CBLB: variants seen among roughly 807,000 people sequenced by gnomAD.
CBLB encodes the protein E3 ubiquitin-protein ligase CBL-B.
In CBLB, 31 loss-of-function variants were observed where a neutral mutation model predicts 104.9. That is an observed-to-expected ratio of 0.30 (90% CI 0.22 to 0.40). The LOEUF (loss-of-function observed/expected upper bound fraction) is 0.40, where lower values mean the gene tolerates loss of function less well. CBLB is among the 10% of genes least tolerant of loss of function. The pLI is 1.00. For missense variants in CBLB, 1,062 were observed against 1,214.6 expected (o/e 0.87, Z 1.87); for synonymous variants, 440 against 422.6 (o/e 1.04, Z -0.51).
intron 3 of CBLB, among the ~76,000 whole-genome samples, chr3:105,824,542 A>G (rs186220805): frequency 1.3e-5 from 2 of 152,244 alleles, no homozygotes; most frequent in Admixed American, 1.3e-4. Context: ...GAGTAGAGTC[A>G]GCCTGACTTT....
intron 10 of CBLB, among the ~76,000 whole-genome samples, chr3:105,704,733 T>A (rs1426793360): frequency 6.6e-6 from 1 of 152,152 alleles, no homozygotes; most frequent in Admixed American, 6.5e-5. Context: ...GAAAAGATTC[T>A]CAAGTTAAAC....
At chr3:105,681,440 G>A in intron 16 of CBLB, 39 bp downstream of exon 16, 3 of 1,599,294 alleles carry the variant, frequency 1.9e-6, no homozygotes, top group Non-Finnish European at 2.6e-6. Flanking sequence ...TTAAAAGAAG[G>A]AGGGGTGGGT....
intron 3 of CBLB, among the ~76,000 whole-genome samples, chr3:105,828,962 C>A (rs978627428): frequency 1.3e-5 from 2 of 152,100 alleles, no homozygotes; most frequent in South Asian, 2.1e-4. Flanking sequence ...TTCTAGGGAA[C>A]CTCTATACCA....
At position 105,766,841 on chromosome 3, in the gene CBLB, T is replaced by G. The variant is rs74454888; in HGVS notation, c.566+9555A>C. 3.1e-4 allele frequency among the ~76,000 whole-genome samples: 47 copies of G among 152,332 alleles called. No homozygotes were observed. In the East Asian group the frequency reaches 9.1e-3, roughly 29 times the overall value. On this transcript the variant is annotated intron_variant, in intron 4 of 18. Coordinates refer to ENST00000394030, the MANE Select transcript of CBLB (RefSeq NM_170662.5). ...ACCCACAATATCTCTGAGGTATGCA[T>G]GTACTAGTAAATTAATTTATTATTT...
At chr3:105,759,377 T>C (rs2077391446) in intron 4 of CBLB, among the ~76,000 whole-genome samples, 1 of 152,184 alleles carries the variant, frequency 6.6e-6, no homozygotes, top group African/African-American at 2.4e-5. Context: ...CCTGAGGCTG[T>C]AGGCTGTCCC....
At chr3:105,800,439 C>G (rs1344469522) in intron 3 of CBLB, among the ~76,000 whole-genome samples, 1 of 152,134 alleles carries the variant, frequency 6.6e-6, no homozygotes, top group African/African-American at 2.4e-5. Flanking sequence ...ATTACCAGGG[C>G]CCATCCTGGC....
chr3:105,827,738 T>C (rs1344190642), intron 3 of CBLB, among the ~76,000 whole-genome samples: 2 of 152,188 alleles, frequency 1.3e-5, no homozygotes, highest in African/African-American at 4.8e-5. Context: ...AAATGGGTCA[T>C]ACATCTAACA....
At chr3:105,662,157 G>A (rs528556456) in intron 18 of CBLB, among the ~76,000 whole-genome samples, 2 of 152,248 alleles carry the variant, frequency 1.3e-5, no homozygotes, top group African/African-American at 4.8e-5. Flanking sequence ...GCTTAGAACC[G>A]ATTACTCTTT....
At chr3:105,847,613 C>CTT (rs3996188) in intron 3 of CBLB, among the ~76,000 whole-genome samples, 150,321 of 151,790 alleles carry the variant, frequency 0.99, 74,429 homozygotes, top group Non-Finnish European at 1. Flanking sequence ...CCTCAGTTGA[C>CTT]TTTTTTTCCA....
Position 105,792,580 on chromosome 3 carries a change from A to T in CBLB, c.420-16038T>A, listed in dbSNP as rs193245013. Among the ~76,000 whole-genome samples, 35 of 152,244 alleles carry T rather than the reference A, an allele frequency of 2.3e-4. No individual in the cohort carries two copies. The East Asian group carries it at 6.8e-3, about 29-fold the overall frequency. On this transcript the variant is annotated intron_variant, in intron 3 of 18. Coordinates refer to ENST00000394030, the MANE Select transcript of CBLB (RefSeq NM_170662.5). ...TCAACATCAGACTGATAATTCCCTC[A>T]TCACCACACCCCAGTCCACCCCCAC...
intron 5 of CBLB, among the ~76,000 whole-genome samples, chr3:105,748,957 T>C (rs2076359835): frequency 1.3e-5 from 2 of 152,146 alleles, no homozygotes; most frequent in Non-Finnish European, 2.9e-5. Flanking sequence ...GCCAATTAAC[T>C]ACTAATATCA....
chr3:105,754,523 C>G (rs57411841), intron 4 of CBLB, among the ~76,000 whole-genome samples: 51,368 of 101,148 alleles, frequency 0.51, 14,512 homozygotes, highest in Non-Finnish European at 0.6. Flanking sequence ...GAGAGAGAGA[C>G]AGAGAGAGAG....
chr3:105,732,882 T>C (rs560285721), intron 9 of CBLB, among the ~76,000 whole-genome samples: 18 of 152,168 alleles, frequency 1.2e-4, no homozygotes, highest in Non-Finnish European at 2.2e-4. Context: ...AAAATCTTTT[T>C]TAAAGACTAG....
chr3:105,664,069 C>T (rs1274235812), intron 18 of CBLB, among the ~76,000 whole-genome samples: 1 of 152,032 alleles, frequency 6.6e-6, no homozygotes, highest in Non-Finnish European at 1.5e-5. Context: ...TATTACTCCC[C>T]TCATCATCTA....
At chr3:105,825,900 T>G (rs1397703340) in intron 3 of CBLB, among the ~76,000 whole-genome samples, 1 of 152,184 alleles carries the variant, frequency 6.6e-6, no homozygotes, top group Non-Finnish European at 1.5e-5. Context: ...TTTATACTCG[T>G]ATTTCATTTC....
At position 105,695,202 on chromosome 3, in the gene CBLB, C is replaced by A. The variant is rs538699831; in HGVS notation, c.1960-1614G>T. ...AATAGTTTGTTATTTTAGGACAAAG[C>A]ATCCAACATAGATAGATGCTTAATA... On this transcript the variant is annotated intron_variant, in intron 12 of 18. Transcript: ENST00000394030. Among the ~76,000 whole-genome samples, 7 of 151,844 alleles carry A rather than the reference C, an allele frequency of 4.6e-5. No homozygotes were observed. The East Asian group carries it at 1.3e-3, about 29-fold the overall frequency.
chr3:105,844,651 T>A (rs1340131882), intron 3 of CBLB, among the ~76,000 whole-genome samples: 2 of 152,206 alleles, frequency 1.3e-5, no homozygotes, highest in Admixed American at 1.3e-4. Flanking sequence ...TTAATATTTT[T>A]AAAAGATTTA....
Position 105,718,745 on chromosome 3 carries a change from T to G in CBLB, c.1407+1302A>C, listed in dbSNP as rs758000274. Among the ~76,000 whole-genome samples the G allele has an allele frequency of 3.3e-5, 5 of 152,162 alleles. No individual in the cohort carries two copies. In the South Asian group the frequency reaches 1.0e-3, roughly 31 times the overall value. ...AGCGGCGGTAAGTATCATGACTGAT[T>G]AGCCATGTCTGCCCAAGTCAGGAGG... On this transcript the variant is annotated intron_variant, in intron 10 of 18. Transcript: ENST00000394030.
rs200845837 is a variant in CBLB at position 105,766,166 on chromosome 3, TA to T, written c.566+10229del. Among the ~76,000 whole-genome samples the T allele has an allele frequency of 6.4e-3, 976 of 152,300 alleles. 12 individuals are homozygous for T. The highest frequency in any genetic ancestry group is 0.022 in the African/African-American group (935 of 41,578). ...TTTGCTAGAGAACTAGAATTAGAAG[TA>T]GAACCTAAATATGTGGCTAAATTGA... On this transcript the variant is annotated intron_variant, in intron 4 of 18. Coordinates refer to ENST00000394030, the MANE Select transcript of CBLB (RefSeq NM_170662.5).
Sources: allele counts gnomAD v4.1 joint callset (sites outside exome capture counted in the v4.1 genomes callset), GRCh38; gene constraint gnomAD v4.1.1; transcripts MANE v1.5; gene names NCBI Gene and HGNC (gene_info 2026-07-23, HGNC 2026-07-21).